The following MYLK variants were observed in gnomAD, a reference collection of about 807,000 sequenced individuals.
MYLK encodes myosin light chain kinase, smooth muscle.
A neutral mutation model predicts 203.4 loss-of-function variants in MYLK; 106 were observed. That is an observed-to-expected ratio of 0.52 (90% CI 0.45 to 0.61). MYLK has a LOEUF of 0.61. Ranked by LOEUF, MYLK falls within the 20% of genes least tolerant of loss-of-function variation. The pLI is 0.00. For synonymous variants in MYLK, 867 were observed against 959.5 expected, an observed-to-expected ratio of 0.90 and a Z score of 1.78; for missense variants, 2,072 against 2,442.3, an observed-to-expected ratio of 0.85 and a Z score of 3.20.
Position 123,614,028 on chromosome 3 carries a change from GTTTTTTT to G in MYLK, c.*70_*76del. 1 of 1,291,578 alleles carries G rather than the reference GTTTTTTT, an allele frequency of 7.7e-7. No individual in the cohort carries two copies. The highest frequency in any genetic ancestry group is 2.0e-5 in the Admixed American group (1 of 48,922). 80.0% of individuals were successfully genotyped at this position (1,291,578 alleles called of 1,614,324 possible). A position where few individuals can be genotyped will look rare whatever the true frequency, so the allele number is the denominator to read the frequency against. ...ACACTAGGTGCTTTTACTATCTTGA[GTTTTTTT>G]TTTTTTTTTGAGTTTTAGAGAAATA... On this transcript the variant is annotated 3_prime_UTR_variant, in exon 34 of 34. Transcript: ENST00000360304.
chr3:123,858,810 C>T (rs770487249), intron 2 of MYLK, among the ~76,000 whole-genome samples: 3 of 152,068 alleles, frequency 2.0e-5, no homozygotes, highest in Admixed American at 6.6e-5. Flanking sequence ...AGTTTTGGAG[C>T]GGACGTCCAA....
At chr3:123,734,924 G>C in intron 9 of MYLK, 1 of 245,120 alleles carries the variant, frequency 4.1e-6, no homozygotes, top group Non-Finnish European at 8.2e-6. Flanking sequence ...CCTTCCTGTT[G>C]TCCTTCCTCA....
At chr3:123,738,036 C>A (rs2062737512) in intron 7 of MYLK, among the ~76,000 whole-genome samples, 1 of 152,100 alleles carries the variant, frequency 6.6e-6, no homozygotes, top group African/African-American at 2.4e-5. Flanking sequence ...CACTGCCTCC[C>A]TGCCCGCCCA....
At chr3:123,796,077 T>C (rs2064974882) in intron 3 of MYLK, among the ~76,000 whole-genome samples, 1 of 152,210 alleles carries the variant, frequency 6.6e-6, no homozygotes, top group African/African-American at 2.4e-5. Flanking sequence ...ACAAAATTCC[T>C]TGTTGAATGG....
rs897742184 is a variant in MYLK at position 123,779,163 on chromosome 3, C to A, written c.165+14514G>T. 7.9e-5 allele frequency among the ~76,000 whole-genome samples: 12 copies of A among 152,338 alleles called. No individual in the cohort carries two copies. The South Asian group carries it at 8.3e-4, about 11-fold the overall frequency. On this transcript the variant is annotated intron_variant, in intron 4 of 33. Coordinates refer to ENST00000360304, the MANE Select transcript of MYLK (RefSeq NM_053025.4). ...CTTTCGGGACTGAGCCACAGCAGCTCTCCTGTCCTCTAGCTCAACAGAGTA... is the reference window on the plus strand; with the variant it reads ...CTTTCGGGACTGAGCCACAGCAGCTATCCTGTCCTCTAGCTCAACAGAGTA...
At chr3:123,835,346 T>C (rs946011458) in intron 2 of MYLK, among the ~76,000 whole-genome samples, 2 of 152,192 alleles carry the variant, frequency 1.3e-5, no homozygotes, top group African/African-American at 4.8e-5. Context: ...TTAGAAATCC[T>C]GCTTCATCCC....
intron 24 of MYLK, among the ~76,000 whole-genome samples, chr3:123,656,861 T>C (rs1273296017): frequency 2.0e-5 from 3 of 152,208 alleles, no homozygotes; most frequent in African/African-American, 7.2e-5. Context: ...TGAACTCCTA[T>C]GCTCCTGAGT....
At chr3:123,810,941 T>C (rs1171164701) in intron 3 of MYLK, among the ~76,000 whole-genome samples, 1 of 152,260 alleles carries the variant, frequency 6.6e-6, no homozygotes, top group East Asian at 1.9e-4. Context: ...CTAGCAATCA[T>C]GGCTACCTTT....
At chr3:123,761,510 A>G (rs2063533347) in intron 4 of MYLK, among the ~76,000 whole-genome samples, 1 of 152,176 alleles carries the variant, frequency 6.6e-6, no homozygotes, top group African/African-American at 2.4e-5. Context: ...CCAGGAGAGC[A>G]TCTCTTTGAC....
At chr3:123,716,221 T>TA in intron 13 of MYLK, 1 of 152,300 alleles carries the variant, frequency 6.6e-6, no homozygotes, top group Non-Finnish European at 1.5e-5. Flanking sequence ...AAAGAAGAGT[T>TA]ACATTCTCCC....
At chr3:123,724,457 G>C (rs887870350) in intron 12 of MYLK, among the ~76,000 whole-genome samples, 4 of 152,108 alleles carry the variant, frequency 2.6e-5, no homozygotes, top group African/African-American at 4.8e-5. Flanking sequence ...CCACAAGGAG[G>C]CTGCCTCCTT....
At chr3:123,784,611 C>G (rs1371623002) in intron 4 of MYLK, among the ~76,000 whole-genome samples, 1 of 152,110 alleles carries the variant, frequency 6.6e-6, no homozygotes, top group East Asian at 1.9e-4. Context: ...ACTTTCTGTA[C>G]TGTAACTATA....
At chr3:123,658,799 C>T (rs1202757249) in intron 23 of MYLK, among the ~76,000 whole-genome samples, 1 of 152,214 alleles carries the variant, frequency 6.6e-6, no homozygotes, top group African/African-American at 2.4e-5. Flanking sequence ...GAAGAAAAAT[C>T]TGCATGTATA....
chr3:123,791,807 A>G (rs1205035455), intron 4 of MYLK, among the ~76,000 whole-genome samples: 1 of 152,274 alleles, frequency 6.6e-6, no homozygotes, highest in Non-Finnish European at 1.5e-5. Flanking sequence ...TTAAATGACT[A>G]AATTGTTCAC....
intron 2 of MYLK, among the ~76,000 whole-genome samples, chr3:123,839,703 A>C (rs2148644327): frequency 6.6e-6 from 1 of 152,338 alleles, no homozygotes; most frequent in African/African-American, 2.4e-5. Flanking sequence ...CTATCAACCA[A>C]CTTGACTGAA....
chr3:123,793,624 G>C, intron 4 of MYLK, 53 bp downstream of exon 4: 1 of 1,601,062 alleles, frequency 6.2e-7, no homozygotes. Flanking sequence ...ACAAGGAGCA[G>C]CGGCCCCTGC....
intron 3 of MYLK, among the ~76,000 whole-genome samples, chr3:123,809,015 A>G (rs754389824): frequency 2.6e-5 from 4 of 152,114 alleles, no homozygotes; most frequent in Non-Finnish European, 5.9e-5. Flanking sequence ...CTGGGAGTGG[A>G]CTGGAGTTCA....
intron 31 of MYLK, chr3:123,622,846 C>G (rs576359765): frequency 6.6e-6 from 1 of 152,200 alleles, no homozygotes; most frequent in African/African-American, 2.4e-5. Flanking sequence ...CTTTACTGAC[C>G]AAAGACCTTT....
At position 123,709,737 on chromosome 3, in the gene MYLK, GA is replaced by G; in HGVS notation, c.1942+18del. 1 of 1,613,248 alleles carries G rather than the reference GA, an allele frequency of 6.2e-7. No individual in the cohort carries two copies. The highest frequency in any genetic ancestry group is 1.1e-5 in the South Asian group (1 of 91,024). On this transcript the variant is annotated intron_variant, in intron 14 of 33. Coordinates refer to ENST00000360304, the MANE Select transcript of MYLK (RefSeq NM_053025.4). Reference sequence around the variant, plus strand: ...ACCATTTTCATGTTAATCCCCAAGAGAGAGCTGCAGAGACAGACCTGACACT... The same window carrying G: ...ACCATTTTCATGTTAATCCCCAAGAGGAGCTGCAGAGACAGACCTGACACT...
Sources: allele counts gnomAD v4.1 joint callset (sites outside exome capture counted in the v4.1 genomes callset), GRCh38; gene constraint gnomAD v4.1.1; transcripts MANE v1.5; gene names NCBI Gene and HGNC (gene_info 2026-07-23, HGNC 2026-07-21).